ARHGAP31: variants seen among roughly 807,000 people sequenced by gnomAD.
The protein encoded by ARHGAP31 is rho GTPase-activating protein 31.
ARHGAP31 carries 34 observed loss-of-function variants against 113.9 expected under a neutral mutation model. The ratio of observed to expected loss-of-function variants is 0.30; its 90% CI spans 0.23 to 0.40. The LOEUF (loss-of-function observed/expected upper bound fraction) is 0.40. ARHGAP31 is among the 10% of genes least tolerant of loss of function. ARHGAP31 has a pLI of 1.00. For missense variants in ARHGAP31, 1,548 were observed against 1,767.1 expected, an observed-to-expected ratio of 0.88 and a Z score of 2.22; for synonymous variants, 650 against 684.8, an observed-to-expected ratio of 0.95 and a Z score of 0.79.
Position 119,294,856 on chromosome 3 carries a change from A to T in ARHGAP31, c.-49A>T. 1 of 1,559,544 alleles carries T rather than the reference A, an allele frequency of 6.4e-7. No individual in the cohort carries two copies. Among genetic ancestry groups the T allele is most frequent in the East Asian group, 2.2e-5 (1 of 44,580 alleles). ...CGGGAGCCCATCTTACAGCGGTGCC[A>T]AGCAGAGGGGCGGCAGAGACGGAGG... is the stretch of plus-strand genomic sequence containing the variant. On this transcript the variant is annotated 5_prime_UTR_variant, in exon 1 of 12. Coordinates refer to ENST00000264245, the MANE Select transcript of ARHGAP31 (RefSeq NM_020754.4).
chr3:119,414,358 C>G lies in ARHGAP31; in HGVS notation c.2429C>G (p.Ser810Cys), dbSNP rs750659284. ...GGCGGCCCGGAAAGAGAAGACTCAT[C>G]CAGGAAATTGAGGACAGATCTCTAC... The part of the protein sequence containing the change: ...SKGGPEREDS[S>C]RKLRTDLYID... Residue 810 changes from serine to cysteine, a missense_variant, in exon 12 of 12, where the codon TCC becomes TGC. Coordinates refer to ENST00000264245, the MANE Select transcript of ARHGAP31 (RefSeq NM_020754.4). 1.2e-6 allele frequency: 2 copies of G among 1,614,036 alleles called. No individual in the cohort carries two copies. Among genetic ancestry groups the G allele is most frequent in the African/African-American group, 2.7e-5 (2 of 74,930 alleles).
At position 119,419,267 on chromosome 3, in the gene ARHGAP31, G is replaced by T. The variant is rs1560001504; in HGVS notation, c.*3003G>T. 6.6e-6 allele frequency: 1 copy of T among 152,198 alleles called. No homozygotes were observed. Among genetic ancestry groups the T allele is most frequent in the Non-Finnish European group, 1.5e-5 (1 of 68,040 alleles). The allele number at this position is 152,198 out of a possible 1,614,324, so 9.4% of individuals were successfully genotyped here. ...GTTGCTGATGTTAAATGATGGATTT[G>T]CAGTGAAACGCATGCATGTACTGAC... On this transcript the variant is annotated 3_prime_UTR_variant, in exon 12 of 12. Coordinates refer to ENST00000264245, the MANE Select transcript of ARHGAP31 (RefSeq NM_020754.4).
intron 1 of ARHGAP31, among the ~76,000 whole-genome samples, chr3:119,338,294 C>G (rs2079977462): frequency 6.6e-6 from 1 of 152,172 alleles, no homozygotes; most frequent in South Asian, 2.1e-4. Context: ...CCACGTAACA[C>G]ATGGACTCAA....
chr3:119,304,806 A>C (rs921687382), intron 1 of ARHGAP31, among the ~76,000 whole-genome samples: 1 of 152,022 alleles, frequency 6.6e-6, no homozygotes, highest in African/African-American at 2.4e-5. Context: ...GAGGCGAAAG[A>C]ATTGCTTGAA....
intron 10 of ARHGAP31, among the ~76,000 whole-genome samples, chr3:119,407,206 G>A (rs1246388185): frequency 6.6e-6 from 1 of 151,956 alleles, no homozygotes; most frequent in Non-Finnish European, 1.5e-5. Context: ...AATTAGACAG[G>A]TGCAGTGGCA....
At chr3:119,308,591 A>C (rs1237687405) in intron 1 of ARHGAP31, among the ~76,000 whole-genome samples, 1 of 152,218 alleles carries the variant, frequency 6.6e-6, no homozygotes, top group Non-Finnish European at 1.5e-5. Context: ...TCATGTGATC[A>C]GGTTAAGCCT....
Position 119,402,357 on chromosome 3 carries a change from G to T in ARHGAP31, c.1605G>T (p.Trp535Cys). 6.2e-7 allele frequency: 1 copy of T among 1,613,740 alleles called. No individual in the cohort carries two copies. Among genetic ancestry groups the T allele is most frequent in the South Asian group, 1.1e-5 (1 of 91,090 alleles). ...FSFHGSESGGWPEEEKPLGAE... is the reference protein window; with the variant it reads ...FSFHGSESGGCPEEEKPLGAE... ...TTCATGGATCAGAGAGCGGAGGCTG[G>T]CCAGAAGAAGAGAAACCGCTGGGAG... Residue 535 changes from tryptophan (W) to cysteine (C), a missense_variant, in exon 10 of 12, where the codon TGG becomes TGT. Transcript: ENST00000264245.
chr3:119,332,893 C>G (rs1393205797), intron 1 of ARHGAP31, among the ~76,000 whole-genome samples: 1 of 152,176 alleles, frequency 6.6e-6, no homozygotes. Context: ...AGTCCCTCCT[C>G]TGTGCCAAGC....
chr3:119,410,717 G>C (rs1469130290), intron 11 of ARHGAP31, among the ~76,000 whole-genome samples: 1 of 152,238 alleles, frequency 6.6e-6, no homozygotes, highest in Non-Finnish European at 1.5e-5. Flanking sequence ...AAGGGAACAA[G>C]TAAAGGCATC....
intron 1 of ARHGAP31, among the ~76,000 whole-genome samples, chr3:119,359,182 T>C (rs1427035611): frequency 6.6e-6 from 1 of 151,928 alleles, no homozygotes; most frequent in Non-Finnish European, 1.5e-5. Flanking sequence ...CATGCCCGGC[T>C]AGTTTTTGTA....
At chr3:119,382,990 A>C in intron 5 of ARHGAP31, 94 bp from the exon 6 acceptor site, 2 of 1,430,896 alleles carry the variant, frequency 1.4e-6, no homozygotes, top group East Asian at 4.5e-5. Context: ...TCAATTTAGG[A>C]GATGAGCCTT....
chr3:119,306,817 A>C (rs181240174), intron 1 of ARHGAP31, among the ~76,000 whole-genome samples: 1 of 152,326 alleles, frequency 6.6e-6, no homozygotes, highest in Non-Finnish European at 1.5e-5. Context: ...ACACTGACTT[A>C]GCACACAGAA....
chr3:119,329,062 C>T (rs1324270535), intron 1 of ARHGAP31, among the ~76,000 whole-genome samples: 29 of 152,182 alleles, frequency 1.9e-4, no homozygotes, highest in Non-Finnish European at 1.3e-4. Context: ...AACCTCATGA[C>T]ATGATCATAT....
intron 1 of ARHGAP31, among the ~76,000 whole-genome samples, chr3:119,331,469 A>G (rs2079891066): frequency 6.6e-6 from 1 of 152,208 alleles, no homozygotes; most frequent in Non-Finnish European, 1.5e-5. Flanking sequence ...TAGACAAAAC[A>G]GTAAAAAATA....
At chr3:119,310,353 A>G (rs1426633880) in intron 1 of ARHGAP31, among the ~76,000 whole-genome samples, 1 of 152,230 alleles carries the variant, frequency 6.6e-6, no homozygotes, top group Non-Finnish European at 1.5e-5. Context: ...AGACTCCAGA[A>G]CAGATTCTTA....
rs1054354706 is a variant in ARHGAP31 at position 119,342,785 on chromosome 3, A to G, written c.101-22531A>G. On this transcript the variant is annotated intron_variant, in intron 1 of 11. Coordinates refer to ENST00000264245, the MANE Select transcript of ARHGAP31 (RefSeq NM_020754.4). ...ACCAACATGGAGAAACCCCATCTCT[A>G]CTAAAAATACGAAATTAGCGGGGCT... is the stretch of plus-strand genomic sequence containing the variant. 4.5e-4 allele frequency among the ~76,000 whole-genome samples: 69 copies of G among 152,224 alleles called. 1 individual carries two copies. Among genetic ancestry groups the G allele is most frequent in the Admixed American group, 3.6e-3 (55 of 15,280 alleles).
chr3:119,370,057 T>A lies in ARHGAP31; in HGVS notation c.348+1541T>A, dbSNP rs181013636. Among the ~76,000 whole-genome samples, 514 of 152,226 alleles carry A rather than the reference T, an allele frequency of 3.4e-3. 6 individuals carry two copies. The highest frequency in any genetic ancestry group is 0.012 in the African/African-American group (497 of 41,532). ...CAACATGTACCAGCTGGCATAGAGTTGTCATTGGTTATGGGGCCCTTCTCC... is the reference window on the plus strand; with the variant it reads ...CAACATGTACCAGCTGGCATAGAGTAGTCATTGGTTATGGGGCCCTTCTCC... On this transcript the variant is annotated intron_variant, in intron 3 of 11. Transcript: ENST00000264245.
intron 1 of ARHGAP31, among the ~76,000 whole-genome samples, chr3:119,320,095 A>G (rs530695900): frequency 2.0e-5 from 3 of 152,340 alleles, no homozygotes; most frequent in African/African-American, 7.2e-5. Context: ...TTTTATCATA[A>G]CACAGGTCCT....
intron 1 of ARHGAP31, among the ~76,000 whole-genome samples, chr3:119,338,582 C>A (rs2079979478): frequency 6.6e-6 from 1 of 152,144 alleles, no homozygotes; most frequent in Non-Finnish European, 1.5e-5. Flanking sequence ...AATTTTAGTT[C>A]ATACGTGACA....
Sources: gnomAD v4.1 joint callset for allele counts (sites outside exome capture counted in the v4.1 genomes callset) on GRCh38, gnomAD v4.1.1 for gene constraint, MANE v1.5 for transcripts, NCBI Gene and HGNC (gene_info 2026-07-23, HGNC 2026-07-21) for gene names.